KLF7: variants seen among roughly 807,000 people sequenced by gnomAD.
KLF7 encodes the protein KLF transcription factor 7.
A neutral mutation model predicts 27.3 loss-of-function variants in KLF7; 2 were observed. The observed-to-expected ratio is 0.07, with a 90% confidence interval of 0.03 to 0.23. KLF7 has a LOEUF of 0.23. KLF7 is among the 10% of genes least tolerant of loss of function. The pLI is 1.00. For synonymous variants in KLF7, 165 were observed against 162.4 expected (o/e 1.02, Z -0.12); for missense variants, 221 against 394.1 (o/e 0.56, Z 3.72).
chr2:207,086,427 C>T (rs1330496827), intron 3 of KLF7, among the ~76,000 whole-genome samples: 2 of 152,156 alleles, frequency 1.3e-5, no homozygotes, highest in East Asian at 1.9e-4. Flanking sequence ...ATGATGCTGT[C>T]GAAAATGCAC....
chr2:207,151,895 C>T (rs190752324), intron 1 of KLF7, among the ~76,000 whole-genome samples: 19 of 152,004 alleles, frequency 1.2e-4, no homozygotes, highest in Non-Finnish European at 2.4e-4. Context: ...AAAAGAATGA[C>T]CCTAAAAATC....
At chr2:207,157,219 T>TAAAAA (rs5838052) in intron 1 of KLF7, among the ~76,000 whole-genome samples, 1,281 of 86,840 alleles carry the variant, frequency 0.015, no homozygotes, top group Non-Finnish European at 0.02. Context: ...AACAGAAAAG[T>TAAAAA]AAAAAAAAAA....
intron 1 of KLF7, among the ~76,000 whole-genome samples, chr2:207,141,755 A>G (rs1234886387): frequency 1.3e-5 from 2 of 152,202 alleles, no homozygotes; most frequent in Non-Finnish European, 2.9e-5. Context: ...AAATGAAAGC[A>G]GAGGCAAAAG....
At chr2:207,097,098 T>C (rs1203027237) in intron 2 of KLF7, among the ~76,000 whole-genome samples, 2 of 152,224 alleles carry the variant, frequency 1.3e-5, no homozygotes, top group Admixed American at 1.3e-4. Context: ...CCAGAGACCA[T>C]ACCTCAAGAA....
At chr2:207,099,414 G>A (rs1030594472) in intron 2 of KLF7, among the ~76,000 whole-genome samples, 1 of 151,676 alleles carries the variant, frequency 6.6e-6, no homozygotes, top group South Asian at 2.1e-4. Flanking sequence ...CCATTGGTAC[G>A]TATCACATTA....
intron 2 of KLF7, among the ~76,000 whole-genome samples, chr2:207,104,038 G>A (rs796380877): frequency 1.4e-4 from 22 of 152,290 alleles, no homozygotes; most frequent in African/African-American, 4.6e-4. Context: ...CCAGAGGCTG[G>A]TGTTTCATTC....
Position 207,098,438 on chromosome 2 carries a change from T to C in KLF7, c.734-9857A>G, listed in dbSNP as rs531004849. On this transcript the variant is annotated intron_variant, in intron 2 of 3. Coordinates refer to ENST00000309446, the MANE Select transcript of KLF7 (RefSeq NM_003709.4). ...TTTTCTTTCCATTTAGCAGCAATGT[T>C]ATCACTCTGTAAGTCAAGTTCTCAC... Among the ~76,000 whole-genome samples the C allele has an allele frequency of 1.1e-4, 16 of 152,322 alleles. No homozygotes were observed. In the East Asian group the frequency reaches 2.9e-3, roughly 28 times the overall value.
chr2:207,089,698 CCT>C (rs1210367028), intron 2 of KLF7, among the ~76,000 whole-genome samples: 1 of 152,074 alleles, frequency 6.6e-6, no homozygotes, highest in East Asian at 1.9e-4. Context: ...GGTTAACAAA[CCT>C]CTGTGTGTCT....
intron 2 of KLF7, among the ~76,000 whole-genome samples, chr2:207,116,457 A>C (rs1366305293): frequency 6.6e-6 from 1 of 152,168 alleles, no homozygotes; most frequent in African/African-American, 2.4e-5. Context: ...TTCAAACACA[A>C]TCACTACATT....
At chr2:207,092,991 C>T (rs1194269968) in intron 2 of KLF7, among the ~76,000 whole-genome samples, 2 of 152,172 alleles carry the variant, frequency 1.3e-5, no homozygotes, top group Non-Finnish European at 2.9e-5. Flanking sequence ...TCAGCCCCAC[C>T]ATCTCACTGG....
rs116685376 is a variant in KLF7 at position 207,110,937 on chromosome 2, T to C, written c.733+12837A>G. ...CCAGGGTTTCTCAACCTTGGCACTG[T>C]TGACCCTTGGGCCCACATGATCCTT... On this transcript the variant is annotated intron_variant, in intron 2 of 3. Coordinates refer to ENST00000309446, the MANE Select transcript of KLF7 (RefSeq NM_003709.4). 3.6e-3 allele frequency among the ~76,000 whole-genome samples: 545 copies of C among 152,292 alleles called. 4 individuals carry two copies. The highest frequency in any genetic ancestry group is 5.1e-3 in the Non-Finnish European group (347 of 68,018).
chr2:207,137,881 C>A (rs2077832705), intron 1 of KLF7, among the ~76,000 whole-genome samples: 1 of 152,144 alleles, frequency 6.6e-6, no homozygotes, highest in Non-Finnish European at 1.5e-5. Context: ...GTTGATGTTC[C>A]ATCATGTAAA....
chr2:207,171,857 C>T (rs1202711727), upstream of KLF7, among the ~76,000 whole-genome samples: 1 of 152,080 alleles, frequency 6.6e-6, no homozygotes, highest in Non-Finnish European at 1.5e-5. Context: ...TTGCAGTGGG[C>T]TGTAACCAAA....
At chr2:207,095,031 CTTTTTTTTT>C (rs36091471) in intron 2 of KLF7, among the ~76,000 whole-genome samples, 21 of 82,432 alleles carry the variant, frequency 2.5e-4, no homozygotes, top group African/African-American at 2.4e-4. Flanking sequence ...TGTTTTTATT[CTTTTTTTTT>C]TTTTTTTTTT....
chr2:207,105,795 C>A (rs1047110772), intron 2 of KLF7, among the ~76,000 whole-genome samples: 1 of 152,096 alleles, frequency 6.6e-6, no homozygotes, highest in African/African-American at 2.4e-5. Context: ...CAGGCAGTGG[C>A]CAGACTGTGA....
At chr2:207,109,390 C>T (rs1211577546) in intron 2 of KLF7, among the ~76,000 whole-genome samples, 5 of 151,660 alleles carry the variant, frequency 3.3e-5, no homozygotes, top group Non-Finnish European at 7.4e-5. Flanking sequence ...TCAACTTAGG[C>T]CCCCAAAAGA....
At chr2:207,135,286 T>C (rs2077753055) in intron 1 of KLF7, among the ~76,000 whole-genome samples, 1 of 151,712 alleles carries the variant, frequency 6.6e-6, no homozygotes, top group African/African-American at 2.4e-5. Context: ...TCAGAGGAAC[T>C]GATAGATAGC....
intron 2 of KLF7, among the ~76,000 whole-genome samples, chr2:207,111,098 G>A (rs2105937531): frequency 6.6e-6 from 1 of 152,268 alleles, no homozygotes; most frequent in South Asian, 2.1e-4. Flanking sequence ...AATGTTCCCT[G>A]AGGGAAAAAA....
intron 1 of KLF7, chr2:207,148,853 G>T: frequency 7.7e-6 from 2 of 261,008 alleles, no homozygotes; most frequent in Non-Finnish European, 1.3e-5. Flanking sequence ...TATGACTCCT[G>T]CTCTCTGACT....
Sources: allele counts gnomAD v4.1 joint callset (sites outside exome capture counted in the v4.1 genomes callset), GRCh38; gene constraint gnomAD v4.1.1; transcripts MANE v1.5; gene names NCBI Gene and HGNC (gene_info 2026-07-23, HGNC 2026-07-21).